The following ARSD variants were observed in gnomAD, a reference collection of about 807,000 sequenced individuals.
ARSD encodes the protein arylsulfatase D, also known as testis tissue sperm-binding protein Li 39a.
A neutral mutation model predicts 32.6 loss-of-function variants in ARSD; 21 were observed. That is an observed-to-expected ratio of 0.64 (90% CI 0.46 to 0.93). The LOEUF is 0.93. Among genes scored for constraint, ARSD ranks in the 40% least tolerant of loss-of-function variants. The pLI, the probability that ARSD is intolerant of heterozygous loss-of-function variation, is 0.00. For synonymous variants in ARSD, 224 were observed against 237.4 expected (o/e 0.94, Z 0.52); for missense variants, 454 against 520.9 (o/e 0.87, Z 1.25).
At chrX:2,918,311 G>A in intron 4 of ARSD, 84 bp from the exon 5 acceptor site, 1 of 964,800 alleles carries the variant, frequency 1.0e-6, no homozygotes. Context: ...ATTCCGCGTC[G>A]GCAGGAAAAG....
chrX:2,926,586 G>A (rs955433352), intron 1 of ARSD, among the ~76,000 whole-genome samples: 1 of 111,288 alleles, frequency 9.0e-6, no homozygotes, highest in Non-Finnish European at 1.9e-5. Flanking sequence ...TGCCACACTA[G>A]ACCATACAGG....
rs1210205966 is a variant in ARSD, at chrX:2,904,959, C to T, written c.*2312G>A. On this transcript the variant is annotated 3_prime_UTR_variant, in exon 10 of 10. Transcript: ENST00000381154. Reference sequence around the variant, plus strand: ...TTATGCCAGGTGTCTCCTGTGTGTCCCTCCAGATCCCTCTCCAGCCCTAGA... The same window carrying T: ...TTATGCCAGGTGTCTCCTGTGTGTCTCTCCAGATCCCTCTCCAGCCCTAGA... 2.5e-5 allele frequency: 8 copies of T among 317,930 alleles called. No individual in the cohort carries two copies. The highest frequency in any genetic ancestry group is 1.1e-4 in the East Asian group (1 of 9,454). 26.2% of individuals were successfully genotyped at this position (317,930 alleles called of 1,213,427 possible).
rs189133118 is a variant in ARSD at position 2,926,985 on chromosome X, C to T, written c.45-1220G>A. 8.9e-5 allele frequency among the ~76,000 whole-genome samples: 9 copies of T among 101,421 alleles called. No individual in the cohort carries two copies. The East Asian group carries it at 1.2e-3, about 14-fold the overall frequency. The allele number at this position is 101,421 out of a possible 115,157, so 88.1% of individuals were successfully genotyped here. On this transcript the variant is annotated intron_variant, in intron 1 of 9. Transcript: ENST00000381154. ...CTGTGCTCTCCGGGGAGGACGCGAA[C>T]GAGGGGTGTGTCTCAGGGTGTGTGA...
intron 2 of ARSD, 110 bp downstream of exon 2, chrX:2,925,506 G>A: frequency 3.4e-6 from 3 of 872,569 alleles, no homozygotes; most frequent in Middle Eastern, 4.4e-4. Context: ...GTAGTTTTTT[G>A]TTGAGTTCTG....
chrX:2,914,098 C>T (rs1277517750), intron 6 of ARSD: 1 of 726,564 alleles, frequency 1.4e-6, no homozygotes, highest in African/African-American at 2.3e-5. Context: ...ATAAATTACC[C>T]AGTCTCAGGT....
At position 2,904,093 on chromosome X, in the gene ARSD, G is replaced by A. The variant is rs1035174517; in HGVS notation, c.*3178C>T. 9.0e-6 allele frequency: 1 copy of A among 111,452 alleles called. No individual in the cohort carries two copies. Among genetic ancestry groups the A allele is most frequent in the African/African-American group, 3.3e-5 (1 of 30,597 alleles). 9.2% of individuals were successfully genotyped at this position (111,452 alleles called of 1,213,427 possible). On this transcript the variant is annotated 3_prime_UTR_variant, in exon 10 of 10. Transcript: ENST00000381154. ...GCCGTCCACAGGTACCTACCCCCTG[G>A]ACTGCAGCAACTTTATTACCTTAAC...
At chrX:2,923,197 G>A (rs1421843143) in intron 2 of ARSD, 1 of 245,626 alleles carries the variant, frequency 4.1e-6, no homozygotes. Flanking sequence ...ATATTGGTTG[G>A]GCACGGTGGT....
At chrX:2,919,748 C>T (rs2089011328) in intron 4 of ARSD, among the ~76,000 whole-genome samples, 2 of 111,675 alleles carry the variant, frequency 1.8e-5, no homozygotes, top group East Asian at 5.6e-4. Context: ...AGGACCAGCC[C>T]CCAACAGAAA....
Position 2,929,188 on chromosome X carries a change from C to T in ARSD, c.44+44G>A, listed in dbSNP as rs1322733213. 3 of 1,011,584 alleles carry T rather than the reference C, an allele frequency of 3.0e-6. No individual in the cohort carries two copies. In the African/African-American group the frequency reaches 6.0e-5, roughly 20 times the overall value. The allele number at this position is 1,011,584 out of a possible 1,213,427, so 83.4% of individuals were successfully genotyped here. A position where few individuals can be genotyped will look rare whatever the true frequency, so the allele number is the denominator to read the frequency against. On this transcript the variant is annotated intron_variant, in intron 1 of 9. Coordinates refer to ENST00000381154, the MANE Select transcript of ARSD (RefSeq NM_001669.4). ...GCTCGCGACCCCCTCCCCAGGCCCCCACCCTAGGCCTTAGTATGGGCCGCG... is the reference window on the plus strand; with the variant it reads ...GCTCGCGACCCCCTCCCCAGGCCCCTACCCTAGGCCTTAGTATGGGCCGCG...
At chrX:2,908,534 T>TCC (rs369116749) in intron 9 of ARSD, among the ~76,000 whole-genome samples, 187 bp downstream of exon 9, 8,946 of 83,596 alleles carry the variant, frequency 0.11, 688 homozygotes, top group Non-Finnish European at 0.15. Flanking sequence ...TCTCTCTCTC[T>TCC]CCCCCCCCCA....
intron 2 of ARSD, among the ~76,000 whole-genome samples, chrX:2,922,250 A>G (rs1372440269): frequency 9.0e-6 from 1 of 111,108 alleles, no homozygotes; most frequent in Non-Finnish European, 1.9e-5. Context: ...ACACACACAC[A>G]CACACAAAGT....
At chrX:2,928,960 C>A (rs1313843857) in intron 1 of ARSD, among the ~76,000 whole-genome samples, 1 of 112,392 alleles carries the variant, frequency 8.9e-6, no homozygotes, top group Non-Finnish European at 1.9e-5. Context: ...TGTTCTCTTT[C>A]CCTGCCCTTC....
Position 2,910,650 on chromosome X carries a change from A to G in ARSD, c.1135+9T>C. On this transcript the variant is annotated intron_variant, in intron 7 of 9. Coordinates refer to ENST00000381154, the MANE Select transcript of ARSD (RefSeq NM_001669.4). ...GAATGCATATGTGTCCCCGATGTCC[A>G]CAACTCACCTTTGTAAATTCCGTTC... 8.3e-7 allele frequency: 1 copy of G among 1,211,895 alleles called. No homozygotes were observed. The highest frequency in any genetic ancestry group is 3.0e-5 in the East Asian group (1 of 33,863).
intron 5 of ARSD, among the ~76,000 whole-genome samples, chrX:2,917,394 T>C (rs2088972517): frequency 9.0e-6 from 1 of 111,049 alleles, no homozygotes; most frequent in African/African-American, 3.3e-5. Flanking sequence ...CCTCCGAGGG[T>C]TGGTGTCTGA....
rs780646042 is a variant in ARSD, at chrX:2,917,965, G to A, written c.702C>T (p.Ala234=). 5.8e-6 allele frequency: 7 copies of A among 1,211,554 alleles called. No homozygotes were observed. In the Admixed American group the frequency reaches 6.5e-5, roughly 11 times the overall value. The change falls in exon 5 of 10, where the codon GCC becomes GCT. Residue 234 remains alanine (A), a synonymous_variant. Coordinates refer to ENST00000381154, the MANE Select transcript of ARSD (RefSeq NM_001669.4). ...AGATGAAAAACAGGCAGCCCACGCCGGCCATGCCGGTGACTGCTCTCGCGG... is the reference window on the plus strand; with the variant it reads ...AGATGAAAAACAGGCAGCCCACGCCAGCCATGCCGGTGACTGCTCTCGCGG... ...SVSARAVTGM[A]GVGCLFFISW...
intron 1 of ARSD, among the ~76,000 whole-genome samples, chrX:2,927,837 C>T (rs2089100160): frequency 9.0e-6 from 1 of 111,203 alleles, no homozygotes; most frequent in Non-Finnish European, 1.9e-5. Flanking sequence ...TGCCTGCAAC[C>T]AATCAGACTG....
At position 2,907,042 on chromosome X, in the gene ARSD, G is replaced by A. The variant is rs191504623; in HGVS notation, c.*229C>T. The A allele has an allele frequency of 5.4e-3, 1,725 of 321,065 alleles. 20 individuals carry two copies. Among genetic ancestry groups the A allele is most frequent in the African/African-American group, 0.038 (1,435 of 37,360 alleles). The allele number at this position is 321,065 out of a possible 1,213,427, so 26.5% of individuals were successfully genotyped here. On this transcript the variant is annotated 3_prime_UTR_variant, in exon 10 of 10. Coordinates refer to ENST00000381154, the MANE Select transcript of ARSD (RefSeq NM_001669.4). Reference sequence around the variant, plus strand: ...TGAGGCAGGAAAATCGCTTGAACCCGGGAGGCGGAGGTTGCAGTGAGCAGA... The same window carrying A: ...TGAGGCAGGAAAATCGCTTGAACCCAGGAGGCGGAGGTTGCAGTGAGCAGA...
chrX:2,920,540 A>G (rs1317111647), intron 4 of ARSD, 61 bp downstream of exon 4: 1 of 1,204,778 alleles, frequency 8.3e-7, no homozygotes, highest in East Asian at 3.0e-5. Context: ...CTGGCCTGGG[A>G]TCTTTTTTAT....
chrX:2,904,573 T>G lies in ARSD; in HGVS notation c.*2698A>C, dbSNP rs773381474. 1 of 113,373 alleles carries G rather than the reference T, an allele frequency of 8.8e-6. No individual in the cohort carries two copies. Among genetic ancestry groups the G allele is most frequent in the African/African-American group, 3.2e-5 (1 of 30,844 alleles). 9.3% of individuals were successfully genotyped at this position (113,373 alleles called of 1,213,427 possible). A position where few individuals can be genotyped will look rare whatever the true frequency, so the allele number is the denominator to read the frequency against. ...CTGACCTCCTTCGGTTAAGTGCTCC[T>G]TCCTTTTTCCTGCTGCCTGGAATGT... is the stretch of plus-strand genomic sequence containing the variant. On this transcript the variant is annotated 3_prime_UTR_variant, in exon 10 of 10. Transcript: ENST00000381154.
Sources: gnomAD v4.1 joint callset for allele counts (sites outside exome capture counted in the v4.1 genomes callset) on GRCh38, gnomAD v4.1.1 for gene constraint, MANE v1.5 for transcripts, NCBI Gene and HGNC (gene_info 2026-07-23, HGNC 2026-07-21) for gene names.